NCAM2: variants seen among roughly 807,000 people sequenced by gnomAD.
NCAM2 encodes neural cell adhesion molecule 2, also known as N-CAM-2.
In NCAM2, 30 loss-of-function variants were observed where a neutral mutation model predicts 98.1. The ratio of observed to expected loss-of-function variants is 0.31; its 90% CI spans 0.23 to 0.41. The LOEUF (loss-of-function observed/expected upper bound fraction) is 0.41, where lower values mean the gene tolerates loss of function less well. Among genes scored for constraint, NCAM2 ranks in the 10% least tolerant of loss-of-function variants. The probability of loss-of-function intolerance (pLI) is 1.00; values close to 1 mark genes in which losing one functional copy is unlikely to be tolerated. For missense variants in NCAM2, 867 were observed against 1,005.8 expected (o/e 0.86, Z 1.87); for synonymous variants, 368 against 342.4 (o/e 1.07, Z -0.83).
chr21:21,025,440 G>A (rs553798803), intron 1 of NCAM2, among the ~76,000 whole-genome samples: 2 of 152,058 alleles, frequency 1.3e-5, no homozygotes, highest in South Asian at 2.1e-4. Flanking sequence ...TATGAGAGAC[G>A]TCATTTCTAA....
intron 1 of NCAM2, among the ~76,000 whole-genome samples, chr21:21,128,795 T>C (rs942815655): frequency 6.6e-6 from 1 of 152,182 alleles, no homozygotes; most frequent in Non-Finnish European, 1.5e-5. Context: ...GATCAATGCT[T>C]AAATTAAATC....
At chr21:21,408,103 T>G (rs540137613) in intron 9 of NCAM2, among the ~76,000 whole-genome samples, 1 of 152,266 alleles carries the variant, frequency 6.6e-6, no homozygotes, top group South Asian at 2.1e-4. Context: ...CATCATTTGG[T>G]GTAGAAACGA....
chr21:21,330,956 A>C (rs2826800), intron 6 of NCAM2, among the ~76,000 whole-genome samples: 86,166 of 151,852 alleles, frequency 0.57, 24,649 homozygotes, highest in Admixed American at 0.65. Context: ...TATTTCTCAT[A>C]ATTTTATTTT....
Position 21,470,736 on chromosome 21 carries a change from A to C in NCAM2, c.1896+1953A>C, listed in dbSNP as rs556741917. Among the ~76,000 whole-genome samples the C allele has an allele frequency of 4.0e-4, 61 of 152,144 alleles. 1 individual carries two copies. In the South Asian group the frequency reaches 8.5e-3, roughly 21 times the overall value. ...AGAAGTGCTAGAGGATCTGTTTTTC[A>C]TAACACATTGGAAATGATTGATTGT... On this transcript the variant is annotated intron_variant, in intron 14 of 17. Coordinates refer to ENST00000400546, the MANE Select transcript of NCAM2 (RefSeq NM_004540.5).
chr21:21,319,272 T>C (rs1161409791), intron 5 of NCAM2, among the ~76,000 whole-genome samples: 1 of 152,178 alleles, frequency 6.6e-6, no homozygotes, highest in Non-Finnish European at 1.5e-5. Flanking sequence ...TAAAGAACAA[T>C]ATAGTATAAC....
At chr21:21,086,986 C>T (rs575917800) in intron 1 of NCAM2, among the ~76,000 whole-genome samples, 3 of 149,860 alleles carry the variant, frequency 2.0e-5, no homozygotes, top group South Asian at 4.2e-4. Context: ...GGATATTGAT[C>T]GTTTTGTAGA....
chr21:21,012,823 A>G (rs1431429431), intron 1 of NCAM2, among the ~76,000 whole-genome samples: 1 of 152,196 alleles, frequency 6.6e-6, no homozygotes, highest in East Asian at 1.9e-4. Context: ...GTAACTGGCA[A>G]TATTTCAAAC....
intron 1 of NCAM2, among the ~76,000 whole-genome samples, chr21:21,265,329 ATAAT>A (rs1433861131): frequency 2.3e-5 from 3 of 131,192 alleles, no homozygotes; most frequent in Non-Finnish European, 3.2e-5. Flanking sequence ...ATACACATAT[ATAAT>A]ATATATGTGT....
intron 1 of NCAM2, among the ~76,000 whole-genome samples, chr21:21,120,720 T>G (rs1195519259): frequency 1.9e-4 from 5 of 26,040 alleles, no homozygotes; most frequent in Middle Eastern, 0.011. Context: ...TTTTTGTGGG[T>G]TTTTTTTTTT....
chr21:21,190,963 GT>G (rs1418786577), intron 1 of NCAM2, among the ~76,000 whole-genome samples: 1 of 152,126 alleles, frequency 6.6e-6, no homozygotes, highest in East Asian at 1.9e-4. Flanking sequence ...TACTGACAAT[GT>G]TAGATCAAAG....
chr21:21,371,487 C>T (rs2075913455), intron 8 of NCAM2, among the ~76,000 whole-genome samples: 1 of 151,744 alleles, frequency 6.6e-6, no homozygotes, highest in Non-Finnish European at 1.5e-5. Flanking sequence ...CCTATGGTCC[C>T]TATTTACCTG....
intron 1 of NCAM2, among the ~76,000 whole-genome samples, chr21:21,280,217 A>G (rs1379886985): frequency 6.6e-6 from 1 of 152,082 alleles, no homozygotes; most frequent in African/African-American, 2.4e-5. Context: ...TATAGGATTT[A>G]TACAACTGTT....
intron 1 of NCAM2, among the ~76,000 whole-genome samples, chr21:21,042,460 A>G (rs1195492317): frequency 1.3e-5 from 2 of 152,226 alleles, no homozygotes; most frequent in African/African-American, 4.8e-5. Flanking sequence ...CTGGGATTAC[A>G]GGTGTGAACC....
intron 1 of NCAM2, among the ~76,000 whole-genome samples, chr21:21,245,656 C>T (rs1262241067): frequency 3.3e-5 from 5 of 152,206 alleles, no homozygotes; most frequent in Non-Finnish European, 7.3e-5. Context: ...CACTGATTCC[C>T]CAAAATCATG....
chr21:21,044,160 T>C (rs2064963699), intron 1 of NCAM2, among the ~76,000 whole-genome samples: 1 of 152,208 alleles, frequency 6.6e-6, no homozygotes, highest in Non-Finnish European at 1.5e-5. Flanking sequence ...TAAGGGTATG[T>C]ATTTCATAGC....
intron 1 of NCAM2, among the ~76,000 whole-genome samples, chr21:21,214,871 A>T (rs2069827870): frequency 6.6e-6 from 1 of 150,824 alleles, no homozygotes; most frequent in African/African-American, 2.4e-5. Context: ...ACTGCCTCAA[A>T]TACAGCAACA....
At chr21:21,401,632 G>T (rs900077093) in intron 9 of NCAM2, among the ~76,000 whole-genome samples, 2 of 152,138 alleles carry the variant, frequency 1.3e-5, no homozygotes, top group African/African-American at 4.8e-5. Flanking sequence ...CATTGAAAAT[G>T]TCAGAATTTC....
intron 11 of NCAM2, among the ~76,000 whole-genome samples, chr21:21,428,297 G>A (rs1302050095): frequency 1.3e-5 from 2 of 152,132 alleles, no homozygotes; most frequent in African/African-American, 2.4e-5. Flanking sequence ...CTGAGCATCC[G>A]ATATGAGCCT....
intron 17 of NCAM2, among the ~76,000 whole-genome samples, chr21:21,537,193 G>T (rs1020123616): frequency 2.0e-5 from 3 of 151,782 alleles, no homozygotes; most frequent in Non-Finnish European, 2.9e-5. Context: ...CCACCTCCCG[G>T]TTCAAGTGAT....
Sources: allele counts gnomAD v4.1 joint callset (sites outside exome capture counted in the v4.1 genomes callset), GRCh38; gene constraint gnomAD v4.1.1; transcripts MANE v1.5; gene names NCBI Gene and HGNC (gene_info 2026-07-23, HGNC 2026-07-21).